SVEP1: variants seen among roughly 807,000 people sequenced by gnomAD.
SVEP1 encodes the protein sushi, von Willebrand factor type A, EGF and pentraxin domain-containing protein 1.
Under a neutral mutation model 367.3 loss-of-function variants are expected in SVEP1, and 164 were observed. The ratio of observed to expected loss-of-function variants is 0.45; its 90% CI spans 0.39 to 0.51. The LOEUF is 0.51. Ranked by LOEUF, SVEP1 falls within the 20% of genes least tolerant of loss-of-function variation. SVEP1 has a pLI of 0.00. For missense variants in SVEP1, 4,117 were observed against 4,425.3 expected (o/e 0.93, Z 1.98); for synonymous variants, 1,666 against 1,611.6 (o/e 1.03, Z -0.81).
intron 8 of SVEP1, among the ~76,000 whole-genome samples, chr9:110,496,281 G>C (rs1829445189): frequency 6.6e-6 from 1 of 152,096 alleles, no homozygotes; most frequent in African/African-American, 2.4e-5. Context: ...CATTTGAGGA[G>C]GACTGGGAGA....
rs1828275031 is a variant in SVEP1 at position 110,427,591 on chromosome 9, C to G, written c.5975G>C (p.Gly1992Ala). The change falls in exon 36 of 48, where the codon GGC becomes GCC. Residue 1992 changes from glycine to alanine, a missense_variant and splice_region_variant. By Grantham distance (60) the Gly-to-Ala change is moderately conservative. Around this residue, in one of 4 missense-constraint regions of SVEP1, gnomAD observed 2,174 missense variants for 2,494.3 expected, o/e 0.87. Transcript: ENST00000374469. ...RNTVTYTCKE[G>A]YTLAGLDTIE... is the part of the protein sequence containing the mutation. The stretch of plus-strand genomic sequence containing the variant: ...CCTTTCCTTCACAGGCCCTACTCAC[C>G]CTTCTTTGCAAGTGTAAGTGACGGT... 6.2e-7 allele frequency: 1 copy of G among 1,612,424 alleles called. No individual in the cohort carries two copies. Among genetic ancestry groups the G allele is most frequent in the Admixed American group, 1.7e-5 (1 of 59,922 alleles).
chr9:110,496,694 TCC>T, intron 8 of SVEP1, 119 bp downstream of exon 8: 7 of 638,040 alleles, frequency 1.1e-5, no homozygotes, highest in Non-Finnish European at 1.9e-5. Flanking sequence ...ATTAGTTCTG[TCC>T]CTCTAGAGAA....
chr9:110,557,463 A>C (rs1830369325), intron 1 of SVEP1, among the ~76,000 whole-genome samples: 2 of 151,856 alleles, frequency 1.3e-5, no homozygotes, highest in Non-Finnish European at 2.9e-5. Flanking sequence ...AAGCACATGT[A>C]ACCCCTTCCC....
chr9:110,469,205 C>T, intron 16 of SVEP1, 104 bp from the exon 17 acceptor site: 1 of 1,241,264 alleles, frequency 8.1e-7, no homozygotes, highest in East Asian at 2.4e-5. Context: ...CTTGAAGGTG[C>T]TATTGTTTAT....
intron 9 of SVEP1, among the ~76,000 whole-genome samples, chr9:110,485,676 T>G (rs1829266435): frequency 6.6e-6 from 1 of 152,178 alleles, no homozygotes; most frequent in Non-Finnish European, 1.5e-5. Flanking sequence ...TTACATGCCT[T>G]TGAGGTTTGA....
In SVEP1 at chr9:110,579,424, G is replaced by A. The variant is rs1253576190; in HGVS notation, c.120C>T (p.Pro40=). Residue 40 remains proline, a synonymous_variant, in exon 1 of 48, where the codon CCC becomes CCT. Transcript: ENST00000374469. This position sits in a 1 kb window ranked among gnomAD's most constrained non-coding sequence, Gnocchi z 5.3. The stretch of plus-strand genomic sequence containing the variant: ...GCGCGGGGATACTCCCGGGGGCCCC[G>A]GGCGCGGTCTCGGGGAAGAGGCGGA... ...FSFRLFPETA[P]GAPGSIPAPP... 4 of 1,586,024 alleles carry A rather than the reference G, an allele frequency of 2.5e-6. No individual in the cohort carries two copies. Among genetic ancestry groups the A allele is most frequent in the Middle Eastern group, 1.7e-4 (1 of 6,006 alleles).
intron 40 of SVEP1, among the ~76,000 whole-genome samples, chr9:110,395,561 A>T (rs1218731669): frequency 1.3e-5 from 2 of 150,660 alleles, no homozygotes; most frequent in African/African-American, 2.4e-5. Flanking sequence ...GACTGGCAAA[A>T]TGGATAAAGA....
intron 18 of SVEP1, among the ~76,000 whole-genome samples, chr9:110,460,694 G>C (rs942702698): frequency 6.6e-6 from 1 of 152,098 alleles, no homozygotes; most frequent in African/African-American, 2.4e-5. Context: ...AGAGGTTGCA[G>C]TGAGATGAGA....
At chr9:110,446,819 T>G in intron 25 of SVEP1, 81 bp downstream of exon 25, 1 of 1,310,238 alleles carries the variant, frequency 7.6e-7, no homozygotes, top group East Asian at 2.9e-5. Flanking sequence ...CGGACACTGC[T>G]TGGTGCAGGC....
At chr9:110,484,344 GC>G (rs1295189417) in intron 9 of SVEP1, among the ~76,000 whole-genome samples, 2 of 152,186 alleles carry the variant, frequency 1.3e-5, no homozygotes, top group African/African-American at 4.8e-5. Context: ...GAAAGCCACA[GC>G]AGAAGTTAAA....
intron 3 of SVEP1, among the ~76,000 whole-genome samples, chr9:110,533,499 T>G (rs1484484608): frequency 2.6e-5 from 4 of 152,124 alleles, no homozygotes; most frequent in African/African-American, 4.8e-5. Flanking sequence ...GACTGAATCA[T>G]TCACAAACCA....
intron 40 of SVEP1, among the ~76,000 whole-genome samples, chr9:110,396,461 A>G (rs902963062): frequency 9.9e-5 from 15 of 152,200 alleles, no homozygotes; most frequent in Non-Finnish European, 4.4e-5. Context: ...GAGCAAACAC[A>G]TTCAAAAGCT....
At chr9:110,547,500 G>A (rs552607404) in intron 2 of SVEP1, among the ~76,000 whole-genome samples, 24 of 152,266 alleles carry the variant, frequency 1.6e-4, no homozygotes, top group African/African-American at 4.8e-4. Context: ...ACTTGAGCCT[G>A]GGAGGTGGAG....
chr9:110,457,467 A>G, intron 20 of SVEP1, 115 bp from the exon 21 acceptor site: 1 of 766,024 alleles, frequency 1.3e-6, no homozygotes, highest in Non-Finnish European at 2.2e-6. Context: ...GTTTCCAGGT[A>G]AGTTCACTCA....
intron 33 of SVEP1, 117 bp from the exon 34 acceptor site, chr9:110,430,121 T>C (rs200546120): frequency 1.8e-4 from 205 of 1,159,554 alleles, no homozygotes; most frequent in Non-Finnish European, 2.1e-4. Flanking sequence ...TTTTTTTTTT[T>C]TGGTGTGTGT....
intron 13 of SVEP1, among the ~76,000 whole-genome samples, chr9:110,476,990 T>C (rs1417945389): frequency 6.6e-6 from 1 of 152,148 alleles, no homozygotes; most frequent in Non-Finnish European, 1.5e-5. Context: ...CCCCTCTGCG[T>C]CACTCCCTCA....
In SVEP1 at chr9:110,406,436, C is replaced by A; in HGVS notation, c.9164G>T (p.Gly3055Val). 1 of 1,614,020 alleles carries A rather than the reference C, an allele frequency of 6.2e-7. No individual in the cohort carries two copies. The highest frequency in any genetic ancestry group is 2.2e-5 in the East Asian group (1 of 44,886). ...AGAAGTGTGTTCACAGTGGGGGAACCCAGAGCTCCACTGGCCATCGGCTTC... is the reference window on the plus strand; with the variant it reads ...AGAAGTGTGTTCACAGTGGGGGAACACAGAGCTCCACTGGCCATCGGCTTC... ...TCEADGQWSS[G>V]FPHCEHTSCG... Residue 3055 changes from glycine to valine, a missense_variant, in exon 38 of 48, where the codon GGG (glycine) becomes GTG (valine). Physicochemically the swap from Gly to Val is moderately radical, Grantham distance 109 (BLOSUM62 -3). Transcript: ENST00000374469.
At chr9:110,513,164 C>CTTT in intron 4 of SVEP1, 59 bp from the exon 5 acceptor site, 3 of 1,146,374 alleles carry the variant, frequency 2.6e-6, no homozygotes, top group Non-Finnish European at 3.5e-6. Context: ...ATGACATATC[C>CTTT]TTTTTTTTTT....
At chr9:110,515,757 C>T (rs897479418) in intron 3 of SVEP1, among the ~76,000 whole-genome samples, 10 of 152,146 alleles carry the variant, frequency 6.6e-5, no homozygotes, top group East Asian at 3.9e-4. Flanking sequence ...GATTCAATGA[C>T]GACTATAGTT....
Sources: allele counts gnomAD v4.1 joint callset (sites outside exome capture counted in the v4.1 genomes callset), GRCh38; gene constraint gnomAD v4.1.1; regional missense constraint gnomAD v4.1.1; non-coding constraint Gnocchi (gnomAD v3.1); transcripts MANE v1.5; gene names NCBI Gene and HGNC (gene_info 2026-07-23, HGNC 2026-07-21).